Variants in KCTD1 observed in about 807,000 individuals in gnomAD.
The protein encoded by KCTD1 is BTB/POZ domain-containing protein KCTD1.
Under a neutral mutation model 66.0 loss-of-function variants are expected in KCTD1, and 24 were observed. The ratio of observed to expected loss-of-function variants is 0.36; its 90% CI spans 0.26 to 0.51. The LOEUF (loss-of-function observed/expected upper bound fraction) is 0.51. Ranked by LOEUF, KCTD1 falls within the 20% of genes least tolerant of loss-of-function variation. The pLI is 0.95. For synonymous variants in KCTD1, 511 were observed against 517.2 expected (o/e 0.99, Z 0.16); for missense variants, 943 against 1,205.2 (o/e 0.78, Z 3.22).
intron 1 of KCTD1, among the ~76,000 whole-genome samples, chr18:26,563,503 A>G (rs2144881909): frequency 6.6e-6 from 1 of 152,290 alleles, no homozygotes. Flanking sequence ...TCCTGGCTCA[A>G]CAACTCAACT....
chr18:26,583,537 A>G (rs1366743216), intron 1 of KCTD1, among the ~76,000 whole-genome samples: 1 of 152,184 alleles, frequency 6.6e-6, no homozygotes, highest in African/African-American at 2.4e-5. Flanking sequence ...ATCTGGCTTC[A>G]TGTGTGACAT....
At chr18:26,527,774 T>C (rs1219779615) in intron 1 of KCTD1, among the ~76,000 whole-genome samples, 4 of 152,204 alleles carry the variant, frequency 2.6e-5, no homozygotes, top group Non-Finnish European at 5.9e-5. Flanking sequence ...ATGGGAACTC[T>C]ACATAATTTT....
chr18:26,546,873 A>C lies in KCTD1; in HGVS notation c.1664T>G (p.Leu555Arg). 6.7e-7 allele frequency: 1 copy of C among 1,499,980 alleles called. No homozygotes were observed. The highest frequency in any genetic ancestry group is 8.9e-7 in the Non-Finnish European group (1 of 1,124,156). 92.9% of individuals were successfully genotyped at this position (1,499,980 alleles called of 1,614,324 possible). Residue 555 changes from leucine to arginine, a missense_variant, in exon 1 of 5, where the codon CTT (leucine) becomes CGT (arginine). Leu to Arg is a moderately radical substitution (Grantham distance 102, BLOSUM62 -2). Transcript: ENST00000580059. ...EICGPTSPKR[L>R]CIRPSEPVDA... The stretch of plus-strand genomic sequence containing the variant: ...CACAGGCTCCGAGGGGCGGATACAA[A>C]GTCTTTTGGGGGAAGTGGGGCCGCA...
chr18:26,475,199 C>T (rs985947424), intron 3 of KCTD1, among the ~76,000 whole-genome samples: 5 of 152,190 alleles, frequency 3.3e-5, no homozygotes, highest in African/African-American at 7.2e-5. Context: ...CCCACCTTTA[C>T]CATCATTACT....
intron 1 of KCTD1, among the ~76,000 whole-genome samples, chr18:26,587,823 C>A (rs1411541929): frequency 6.6e-6 from 1 of 152,122 alleles, no homozygotes; most frequent in Non-Finnish European, 1.5e-5. Flanking sequence ...TGACTGAATT[C>A]CTGCAAGCTC....
intron 3 of KCTD1, among the ~76,000 whole-genome samples, chr18:26,475,689 A>G (rs1415592683): frequency 6.6e-6 from 1 of 152,070 alleles, no homozygotes; most frequent in East Asian, 1.9e-4. Flanking sequence ...CGTCTCTACT[A>G]AAAATATGAA....
chr18:26,607,585 A>G (rs1044580730), intron 1 of KCTD1, among the ~76,000 whole-genome samples: 14 of 152,156 alleles, frequency 9.2e-5, no homozygotes, highest in African/African-American at 3.1e-4. Context: ...CTTTCCTTCC[A>G]TAATATGTCA....
intron 1 of KCTD1, among the ~76,000 whole-genome samples, chr18:26,617,367 T>C (rs947129665): frequency 2.0e-5 from 3 of 152,226 alleles, no homozygotes; most frequent in African/African-American, 7.2e-5. Context: ...CGTACAAAGA[T>C]GTGTATCATA....
chr18:26,550,976 G>A (rs1020550182), upstream of KCTD1, among the ~76,000 whole-genome samples: 1 of 152,196 alleles, frequency 6.6e-6, no homozygotes, highest in African/African-American at 2.4e-5. The surrounding 1 kb of genome is among the most constrained non-coding windows in gnomAD (Gnocchi z 5.4). Flanking sequence ...CGGGGGCCGC[G>A]CTGGCTCCGG....
intron 1 of KCTD1, among the ~76,000 whole-genome samples, chr18:26,616,016 C>T (rs932588096): frequency 2.0e-5 from 3 of 152,140 alleles, no homozygotes; most frequent in Admixed American, 2.0e-4. Flanking sequence ...GTCTTGAACT[C>T]CTGATCTCAG....
At chr18:26,528,035 T>G (rs1260418380) in intron 1 of KCTD1, among the ~76,000 whole-genome samples, 1 of 152,136 alleles carries the variant, frequency 6.6e-6, no homozygotes, top group Non-Finnish European at 1.5e-5. Flanking sequence ...AGAGCCTATT[T>G]TAATCCCAGA....
chr18:26,547,379 G>A lies in KCTD1; in HGVS notation c.1158C>T (p.Cys386=). 6.4e-7 allele frequency: 1 copy of A among 1,551,366 alleles called. No individual in the cohort carries two copies. Among genetic ancestry groups the A allele is most frequent in the Non-Finnish European group, 8.7e-7 (1 of 1,146,752 alleles). The part of the protein sequence containing the change: ...PRMYETGTEF[C]PYASFVKYLS... ...GGTACTTGACGAAGCTGGCGTAGGGGCAGAACTCGGTGCCCGTCTCATACA... is the reference window on the plus strand; with the variant it reads ...GGTACTTGACGAAGCTGGCGTAGGGACAGAACTCGGTGCCCGTCTCATACA... Residue 386 remains cysteine, a synonymous_variant, in exon 1 of 5, where the codon TGC becomes TGT. Transcript: ENST00000580059.
At chr18:26,611,972 A>G (rs1987148898) in intron 1 of KCTD1, among the ~76,000 whole-genome samples, 1 of 152,160 alleles carries the variant, frequency 6.6e-6, no homozygotes, top group Non-Finnish European at 1.5e-5. Flanking sequence ...CTGAAGCAAG[A>G]CTTTCCTTAG....
chr18:26,613,417 A>G (rs1987180725), intron 1 of KCTD1, among the ~76,000 whole-genome samples: 1 of 152,196 alleles, frequency 6.6e-6, no homozygotes, highest in African/African-American at 2.4e-5. Context: ...GTCACTGCTC[A>G]TCTGGATTTT....
At chr18:26,482,079 A>C (rs1425599001) in intron 2 of KCTD1, among the ~76,000 whole-genome samples, 3 of 152,198 alleles carry the variant, frequency 2.0e-5, no homozygotes, top group Non-Finnish European at 4.4e-5. Context: ...GTAACACTCA[A>C]GGATGCATGG....
chr18:26,507,794 T>C (rs1358091711), intron 1 of KCTD1, among the ~76,000 whole-genome samples: 2 of 152,108 alleles, frequency 1.3e-5, no homozygotes, highest in Non-Finnish European at 2.9e-5. Flanking sequence ...ACTGTATGAT[T>C]GTATTTACAT....
At chr18:26,501,968 A>G (rs1982783042) in intron 1 of KCTD1, among the ~76,000 whole-genome samples, 1 of 152,284 alleles carries the variant, frequency 6.6e-6, no homozygotes, top group Non-Finnish European at 1.5e-5. Context: ...GTGCGGTTGC[A>G]CAAGCAAAGG....
At chr18:26,504,768 A>C (rs936996823) in intron 1 of KCTD1, among the ~76,000 whole-genome samples, 2 of 152,228 alleles carry the variant, frequency 1.3e-5, no homozygotes, top group African/African-American at 4.8e-5. Flanking sequence ...GTTGATGCTC[A>C]ATATGTATCC....
intron 1 of KCTD1, among the ~76,000 whole-genome samples, chr18:26,502,423 G>A (rs1250691906): frequency 6.6e-6 from 1 of 152,098 alleles, no homozygotes; most frequent in African/African-American, 2.4e-5. Context: ...GACCTCCTGG[G>A]CTCAGGCGAT....
Sources: gnomAD v4.1 joint callset for allele counts (sites outside exome capture counted in the v4.1 genomes callset) on GRCh38, gnomAD v4.1.1 for gene constraint, Gnocchi (gnomAD v3.1) non-coding constraint, MANE v1.5 for transcripts, NCBI Gene and HGNC (gene_info 2026-07-23, HGNC 2026-07-21) for gene names.